PLXDC2: variants seen among roughly 807,000 people sequenced by gnomAD.
The protein encoded by PLXDC2 is plexin domain-containing protein 2.
PLXDC2 carries 40 observed loss-of-function variants against 68.9 expected under a neutral mutation model. The observed-to-expected ratio is 0.58, with a 90% CI of 0.45 to 0.76. PLXDC2 has a LOEUF of 0.76. PLXDC2 is among the 30% of genes least tolerant of loss of function. The pLI, the probability that PLXDC2 is intolerant of heterozygous loss-of-function variation, is 0.00. For synonymous variants in PLXDC2, 243 were observed against 234.2 expected (o/e 1.04, Z -0.34); for missense variants, 644 against 661.9 (o/e 0.97, Z 0.30).
chr10:19,973,296 GTATATATATATACTCACA>G (rs1834387814), intron 1 of PLXDC2, among the ~76,000 whole-genome samples: 2 of 76,768 alleles, frequency 2.6e-5, no homozygotes, highest in South Asian at 9.7e-4. Context: ...ACATATATAT[GTATATATATATACTCACA>G]TATATATGTA....
At chr10:19,949,909 C>T (rs1247475996) in intron 1 of PLXDC2, among the ~76,000 whole-genome samples, 1 of 152,124 alleles carries the variant, frequency 6.6e-6, no homozygotes, top group African/African-American at 2.4e-5. Flanking sequence ...TAGGCAGATA[C>T]ATTATTATAG....
chr10:19,917,402 T>C (rs10734028), intron 1 of PLXDC2, among the ~76,000 whole-genome samples: 108,524 of 152,060 alleles, frequency 0.71, 40,975 homozygotes, highest in South Asian at 0.9. Context: ...AAATCCATCC[T>C]GAAATTGAGC....
At chr10:20,234,859 G>A (rs1203484249) in intron 12 of PLXDC2, among the ~76,000 whole-genome samples, 1 of 152,016 alleles carries the variant, frequency 6.6e-6, no homozygotes, top group African/African-American at 2.4e-5. Context: ...CTCACACACA[G>A]GCTAAATGAA....
chr10:20,188,610 A>AT (rs772084617), intron 9 of PLXDC2, among the ~76,000 whole-genome samples: 2 of 151,628 alleles, frequency 1.3e-5, no homozygotes, highest in East Asian at 3.9e-4. Flanking sequence ...AGCTGCAGTG[A>AT]TTTTGCCTAA....
intron 4 of PLXDC2, among the ~76,000 whole-genome samples, chr10:20,080,216 T>A (rs141864417): frequency 3.3e-3 from 500 of 152,276 alleles, no homozygotes; most frequent in African/African-American, 0.011. Flanking sequence ...ATCAACAATT[T>A]CTATTAGACC....
At chr10:19,825,209 T>C (rs928302268) in intron 1 of PLXDC2, among the ~76,000 whole-genome samples, 19 of 152,328 alleles carry the variant, frequency 1.2e-4, no homozygotes, top group Middle Eastern at 3.4e-3. Flanking sequence ...AATTATTTTT[T>C]ACTCAATAAT....
chr10:20,109,341 G>C (rs1833529300), intron 4 of PLXDC2, among the ~76,000 whole-genome samples: 1 of 152,170 alleles, frequency 6.6e-6, no homozygotes, highest in African/African-American at 2.4e-5. Context: ...GCATCTTGCT[G>C]TCTGCCATGG....
At chr10:20,233,462 A>G (rs1253684332) in intron 12 of PLXDC2, among the ~76,000 whole-genome samples, 1 of 152,208 alleles carries the variant, frequency 6.6e-6, no homozygotes, top group African/African-American at 2.4e-5. Flanking sequence ...TATTAACAAT[A>G]TACCAGGCAG....
chr10:20,221,125 G>A (rs1296731028), intron 12 of PLXDC2, among the ~76,000 whole-genome samples: 1 of 148,012 alleles, frequency 6.8e-6, no homozygotes, highest in Non-Finnish European at 1.5e-5. Context: ...TTACAAGCGT[G>A]AGCCACCACG....
intron 4 of PLXDC2, among the ~76,000 whole-genome samples, chr10:20,123,155 T>C (rs1289923888): frequency 6.6e-6 from 1 of 151,846 alleles, no homozygotes. Context: ...ATAAAAGGAT[T>C]ATAGGGTGGA....
chr10:19,966,817 T>TC (rs1834270936), intron 1 of PLXDC2, among the ~76,000 whole-genome samples: 6 of 151,904 alleles, frequency 3.9e-5, no homozygotes, highest in Admixed American at 6.6e-5. Context: ...CATTTTTTTT[T>TC]TCCCCCAGCA....
At chr10:20,024,489 C>T (rs1462632030) in intron 2 of PLXDC2, among the ~76,000 whole-genome samples, 2 of 152,216 alleles carry the variant, frequency 1.3e-5, no homozygotes, top group Non-Finnish European at 2.9e-5. Context: ...TCATTATTGT[C>T]TTTCCCCATT....
intron 3 of PLXDC2, among the ~76,000 whole-genome samples, chr10:20,049,697 A>G (rs983019719): frequency 1.6e-4 from 25 of 152,142 alleles, no homozygotes. Flanking sequence ...ACACTGCTCA[A>G]AGAAATCAGA....
At chr10:20,088,767 A>G (rs1443921825) in intron 4 of PLXDC2, among the ~76,000 whole-genome samples, 1 of 152,202 alleles carries the variant, frequency 6.6e-6, no homozygotes, top group Non-Finnish European at 1.5e-5. Context: ...CCTATCTTAA[A>G]AAATATTATG....
chr10:19,912,886 T>C (rs983603238), intron 1 of PLXDC2, among the ~76,000 whole-genome samples: 1 of 152,200 alleles, frequency 6.6e-6, no homozygotes, highest in Non-Finnish European at 1.5e-5. Context: ...CTATCCTAAC[T>C]GTATAGTGCA....
intron 1 of PLXDC2, among the ~76,000 whole-genome samples, chr10:19,935,627 T>C (rs892064591): frequency 6.6e-6 from 1 of 152,150 alleles, no homozygotes; most frequent in Non-Finnish European, 1.5e-5. Context: ...CCAAGAGAAC[T>C]CAGTCACCCA....
rs1241984264 is a variant in PLXDC2, at chr10:19,986,962, T to C, written c.113-14813T>C. ...AGTGCTCAAGGCTAGTTATCACAGA[T>C]GTTTGAAGTGGGAAGTGGTTGTGGG... is the stretch of plus-strand genomic sequence containing the variant. On this transcript the variant is annotated intron_variant, in intron 1 of 13. Coordinates refer to ENST00000377252, the MANE Select transcript of PLXDC2 (RefSeq NM_032812.9). 4.6e-5 allele frequency among the ~76,000 whole-genome samples: 7 copies of C among 152,340 alleles called. No homozygotes were observed. The East Asian group carries it at 1.3e-3, about 29-fold the overall frequency.
At chr10:19,829,860 G>A (rs541648827) in intron 1 of PLXDC2, among the ~76,000 whole-genome samples, 2 of 152,290 alleles carry the variant, frequency 1.3e-5, no homozygotes, top group East Asian at 3.9e-4. Flanking sequence ...TTTACAAATT[G>A]TCCAGTCATA....
chr10:20,219,283 C>T (rs958869664), intron 12 of PLXDC2, among the ~76,000 whole-genome samples, 181 bp downstream of exon 12: 1 of 152,108 alleles, frequency 6.6e-6, no homozygotes, highest in Non-Finnish European at 1.5e-5. Flanking sequence ...GAAATCCTCA[C>T]CCTTGTGTTT....
Sources: gnomAD v4.1 joint callset for allele counts (sites outside exome capture counted in the v4.1 genomes callset) on GRCh38, gnomAD v4.1.1 for gene constraint, MANE v1.5 for transcripts, NCBI Gene and HGNC (gene_info 2026-07-23, HGNC 2026-07-21) for gene names.